ANKMY2: variants seen among roughly 807,000 people sequenced by gnomAD.
ANKMY2 encodes the protein ankyrin repeat and MYND domain-containing protein 2.
A neutral mutation model predicts 50.4 loss-of-function variants in ANKMY2; 36 were observed. The ratio of observed to expected loss-of-function variants is 0.71; its 90% CI spans 0.55 to 0.94. The LOEUF is 0.94. Among genes scored for constraint, ANKMY2 ranks in the 40% least tolerant of loss-of-function variants. ANKMY2 has a pLI of 0.00. For synonymous variants in ANKMY2, 187 were observed against 178.8 expected, an observed-to-expected ratio of 1.05 and a Z score of -0.36; for missense variants, 565 against 524.0, an observed-to-expected ratio of 1.08 and a Z score of -0.76.
chr7:16,618,668 G>A (rs1216233882), intron 4 of ANKMY2, among the ~76,000 whole-genome samples: 1 of 152,036 alleles, frequency 6.6e-6, no homozygotes, highest in African/African-American at 2.4e-5. Context: ...TTAAAAATGT[G>A]AAATGAGCCA....
chr7:16,645,615 A>G lies in ANKMY2; in HGVS notation c.-42T>C, dbSNP rs763594794. ...AAGGTTATTCCCTTTCTTAGGGAGT[A>G]TTAAAAAAGAAACGATGCGTCTGTA... On this transcript the variant is annotated 5_prime_UTR_variant, in exon 1 of 10. Coordinates refer to ENST00000306999, the MANE Select transcript of ANKMY2 (RefSeq NM_020319.3). 1 of 1,591,514 alleles carries G rather than the reference A, an allele frequency of 6.3e-7. No individual in the cohort carries two copies. Among genetic ancestry groups the G allele is most frequent in the Non-Finnish European group, 8.5e-7 (1 of 1,170,328 alleles).
chr7:16,621,807 A>T (rs1284519576), intron 4 of ANKMY2, among the ~76,000 whole-genome samples: 1 of 152,020 alleles, frequency 6.6e-6, no homozygotes, highest in Non-Finnish European at 1.5e-5. Context: ...CATCTCTACT[A>T]AAAATACAAC....
chr7:16,633,509 T>G (rs1334392509), intron 2 of ANKMY2, among the ~76,000 whole-genome samples: 1 of 152,104 alleles, frequency 6.6e-6, no homozygotes, highest in Non-Finnish European at 1.5e-5. Flanking sequence ...AGTCAGCAAT[T>G]TTTATTCCTA....
At chr7:16,629,521 G>A (rs1346560383) in intron 2 of ANKMY2, among the ~76,000 whole-genome samples, 1 of 151,998 alleles carries the variant, frequency 6.6e-6, no homozygotes, top group African/African-American at 2.4e-5. Context: ...GGGCGACAGA[G>A]TGAGACTCTG....
At chr7:16,641,235 C>A (rs1212233951) in intron 1 of ANKMY2, among the ~76,000 whole-genome samples, 1 of 131,028 alleles carries the variant, frequency 7.6e-6, no homozygotes, top group Non-Finnish European at 1.7e-5. Flanking sequence ...CCCTGTCTCA[C>A]ACACAGACAC....
chr7:16,642,079 C>A (rs1028923129), intron 1 of ANKMY2, among the ~76,000 whole-genome samples: 1 of 151,410 alleles, frequency 6.6e-6, no homozygotes, highest in African/African-American at 2.4e-5. Context: ...AAGAAAAAGC[C>A]TTATTATCCA....
intron 5 of ANKMY2, among the ~76,000 whole-genome samples, chr7:16,613,142 A>G (rs757475984): frequency 2.0e-5 from 3 of 152,126 alleles, no homozygotes; most frequent in Non-Finnish European, 4.4e-5. Flanking sequence ...CTCCTAGATA[A>G]CCTTCATATT....
At chr7:16,609,348 G>C (rs1351041618) in intron 7 of ANKMY2, among the ~76,000 whole-genome samples, 2 of 152,114 alleles carry the variant, frequency 1.3e-5, no homozygotes, top group Non-Finnish European at 2.9e-5. Context: ...ATATTACATA[G>C]TGGATGTACT....
intron 1 of ANKMY2, among the ~76,000 whole-genome samples, chr7:16,638,042 T>C (rs1781691740): frequency 6.6e-6 from 1 of 152,216 alleles, no homozygotes; most frequent in African/African-American, 2.4e-5. Flanking sequence ...ATTTTAAAGA[T>C]GATGCATGTA....
chr7:16,603,488 C>A, intron 8 of ANKMY2: 2 of 359,672 alleles, frequency 5.6e-6, no homozygotes, highest in South Asian at 2.3e-5. Context: ...TTGTAAATGG[C>A]CTTATATTTT....
At chr7:16,617,915 G>GTGTTT (rs1491341932) in intron 4 of ANKMY2, among the ~76,000 whole-genome samples, 9 of 131,080 alleles carry the variant, frequency 6.9e-5, no homozygotes, top group African/African-American at 2.3e-4. Context: ...TACAGTGAGC[G>GTGTTT]TGTTTTTTTT....
intron 2 of ANKMY2, among the ~76,000 whole-genome samples, chr7:16,630,089 T>G (rs1395005367): frequency 6.6e-6 from 1 of 152,140 alleles, no homozygotes; most frequent in Non-Finnish European, 1.5e-5. Context: ...TAATTTAAAA[T>G]ATTATATTAC....
chr7:16,617,590 C>T (rs925573798), intron 4 of ANKMY2, among the ~76,000 whole-genome samples: 7 of 152,060 alleles, frequency 4.6e-5, no homozygotes, highest in Non-Finnish European at 8.8e-5. Flanking sequence ...TTTCAAGAGC[C>T]GCAGAGAGAT....
At chr7:16,644,621 C>T in intron 1 of ANKMY2, 1 of 453,436 alleles carries the variant, frequency 2.2e-6, no homozygotes, top group South Asian at 1.6e-5. Flanking sequence ...TGCCCGGAGT[C>T]GCACGCATCA....
intron 4 of ANKMY2, 89 bp from the exon 5 acceptor site, chr7:16,615,993 A>G: frequency 1.6e-6 from 2 of 1,252,024 alleles, no homozygotes; most frequent in Non-Finnish European, 2.2e-6. Context: ...TATTTTTGTG[A>G]TGTAAACATG....
intron 9 of ANKMY2, among the ~76,000 whole-genome samples, chr7:16,601,737 T>G (rs1190652639): frequency 6.6e-6 from 1 of 152,160 alleles, no homozygotes; most frequent in Non-Finnish European, 1.5e-5. Context: ...ATATGATACA[T>G]TCTCTGGAAT....
At chr7:16,622,068 A>T (rs1316411017) in intron 4 of ANKMY2, among the ~76,000 whole-genome samples, 1 of 151,664 alleles carries the variant, frequency 6.6e-6, no homozygotes, top group Non-Finnish European at 1.5e-5. Flanking sequence ...GAAGAAGAGG[A>T]AGAGGAGGAG....
At chr7:16,628,815 G>A (rs954618637) in intron 2 of ANKMY2, among the ~76,000 whole-genome samples, 2 of 152,002 alleles carry the variant, frequency 1.3e-5, no homozygotes, top group Admixed American at 6.6e-5. Flanking sequence ...CAGAACAGGT[G>A]GGCAGTCAAT....
chr7:16,605,623 C>T (rs986612779), intron 7 of ANKMY2, among the ~76,000 whole-genome samples: 3 of 149,522 alleles, frequency 2.0e-5, no homozygotes, highest in Non-Finnish European at 4.5e-5. Context: ...TCAGCCTCCT[C>T]AGTAGCTGGG....
Sources: allele counts gnomAD v4.1 joint callset (sites outside exome capture counted in the v4.1 genomes callset), GRCh38; gene constraint gnomAD v4.1.1; transcripts MANE v1.5; gene names NCBI Gene and HGNC (gene_info 2026-07-23, HGNC 2026-07-21).